PLOD2: variants seen among roughly 807,000 people sequenced by gnomAD.
The protein encoded by PLOD2 is lysine hydroxylase 2.
In PLOD2, 65 loss-of-function variants were observed where a neutral mutation model predicts 101.0. That is an observed-to-expected ratio of 0.64 (90% CI 0.53 to 0.79). The LOEUF is 0.79. Ranked by LOEUF, PLOD2 falls within the 30% of genes least tolerant of loss-of-function variation. The pLI is 0.00. For synonymous variants in PLOD2, 314 were observed against 302.9 expected (o/e 1.04, Z -0.38); for missense variants, 909 against 914.6 (o/e 0.99, Z 0.08).
At chr3:146,099,163 A>G (rs551067607) in intron 7 of PLOD2, among the ~76,000 whole-genome samples, 2 of 152,320 alleles carry the variant, frequency 1.3e-5, no homozygotes, top group East Asian at 3.9e-4. Flanking sequence ...AGAAACAGTG[A>G]TAGTGCAAAC....
intron 1 of PLOD2, among the ~76,000 whole-genome samples, chr3:146,146,640 G>C (rs2031795128): frequency 6.6e-6 from 1 of 152,182 alleles, no homozygotes; most frequent in Non-Finnish European, 1.5e-5. Flanking sequence ...GGAATCAACA[G>C]AGACAGCTTC....
chr3:146,088,654 G>A lies in PLOD2; in HGVS notation c.937C>T (p.Arg313Trp), dbSNP rs757386815. The A allele has an allele frequency of 8.7e-6, 14 of 1,605,478 alleles. No homozygotes were observed. Among genetic ancestry groups the A allele is most frequent in the East Asian group, 4.5e-5 (2 of 44,732 alleles). Residue 313 changes from arginine to tryptophan, a missense_variant, in exon 9 of 20, where the codon CGG (arginine) becomes TGG (tryptophan). Transcript: ENST00000282903. Reference sequence around the variant, plus strand: ...AGTGTCAACAATATGTCCAGAAACCGAGGTAGAAAAGGGGTTGGTTGCTCA... The same window carrying A: ...AGTGTCAACAATATGTCCAGAAACCAAGGTAGAAAAGGGGTTGGTTGCTCA... ...FIEQPTPFLP[R>W]FLDILLTLDY...
chr3:146,125,361 A>T (rs1452544383), intron 1 of PLOD2, among the ~76,000 whole-genome samples: 1 of 150,868 alleles, frequency 6.6e-6, no homozygotes, highest in East Asian at 1.9e-4. Flanking sequence ...CAATATACAA[A>T]GAAATACTAA....
chr3:146,090,954 C>T (rs929786196), intron 8 of PLOD2, among the ~76,000 whole-genome samples: 1 of 151,798 alleles, frequency 6.6e-6, no homozygotes, highest in Non-Finnish European at 1.5e-5. Flanking sequence ...ATGCTTCATA[C>T]ATATAATCTT....
chr3:146,128,734 T>C (rs553264795), intron 1 of PLOD2, among the ~76,000 whole-genome samples: 1 of 151,594 alleles, frequency 6.6e-6, no homozygotes, highest in South Asian at 2.1e-4. Flanking sequence ...CAAATAGCTG[T>C]TGATATCTGA....
intron 7 of PLOD2, among the ~76,000 whole-genome samples, chr3:146,095,395 C>T (rs1226054147): frequency 1.1e-4 from 17 of 150,432 alleles, no homozygotes; most frequent in Non-Finnish European, 2.1e-4. Context: ...AAAAAGTGGT[C>T]GAAGGATATG....
At chr3:146,141,670 G>A (rs891933635) in intron 1 of PLOD2, among the ~76,000 whole-genome samples, 1 of 152,040 alleles carries the variant, frequency 6.6e-6, no homozygotes, top group Non-Finnish European at 1.5e-5. Context: ...CCAAATCCTA[G>A]TTGATACACA....
intron 1 of PLOD2, among the ~76,000 whole-genome samples, chr3:146,147,389 G>C (rs2031829792): frequency 6.6e-6 from 1 of 152,154 alleles, no homozygotes; most frequent in Admixed American, 6.5e-5. Context: ...GTGCAAATTG[G>C]GAAATGATAA....
chr3:146,117,591 A>C (rs1223118151), intron 3 of PLOD2, among the ~76,000 whole-genome samples: 3 of 152,094 alleles, frequency 2.0e-5, no homozygotes, highest in Non-Finnish European at 2.9e-5. Context: ...CAGGATAGTC[A>C]TGGTAGGTAA....
At chr3:146,147,231 A>T (rs1241424028) in intron 1 of PLOD2, among the ~76,000 whole-genome samples, 1 of 152,214 alleles carries the variant, frequency 6.6e-6, no homozygotes, top group East Asian at 1.9e-4. Context: ...CTAGAATATA[A>T]GACTTAATAT....
intron 5 of PLOD2, among the ~76,000 whole-genome samples, chr3:146,105,428 C>T (rs1937519737): frequency 6.6e-6 from 1 of 152,132 alleles, no homozygotes; most frequent in African/African-American, 2.4e-5. Context: ...TCCTTACAGG[C>T]TCTATCCACT....
intron 1 of PLOD2, among the ~76,000 whole-genome samples, chr3:146,132,633 T>G (rs1174447291): frequency 6.6e-6 from 1 of 152,216 alleles, no homozygotes; most frequent in Non-Finnish European, 1.5e-5. Flanking sequence ...GATACTCATT[T>G]TTTCCAGTGA....
At chr3:146,119,074 G>A (rs1938058448) in intron 3 of PLOD2, among the ~76,000 whole-genome samples, 1 of 152,120 alleles carries the variant, frequency 6.6e-6, no homozygotes, top group Non-Finnish European at 1.5e-5. Context: ...CTGGAGGTGG[G>A]GTTGGGTGGG....
At chr3:146,088,557 C>CA in intron 9 of PLOD2, 29 bp downstream of exon 9, 1 of 1,438,008 alleles carries the variant, frequency 7.0e-7, no homozygotes, top group South Asian at 1.2e-5. Flanking sequence ...ATAGTTTTGA[C>CA]ATAAAATATT....
intron 8 of PLOD2, among the ~76,000 whole-genome samples, chr3:146,089,247 T>C (rs997706320): frequency 3.3e-5 from 5 of 151,452 alleles, no homozygotes; most frequent in Admixed American, 3.3e-4. Flanking sequence ...TGTTAATATA[T>C]CTTATCTTAA....
chr3:146,124,019 A>C, intron 2 of PLOD2, 119 bp downstream of exon 2: 1 of 683,174 alleles, frequency 1.5e-6, no homozygotes. Context: ...ATGAACTAAC[A>C]GTAATTATGT....
chr3:146,077,155 C>T (rs2108002439), intron 14 of PLOD2: 1 of 1,102,188 alleles, frequency 9.1e-7, no homozygotes, highest in East Asian at 6.5e-5. Context: ...TTGTCCCTTT[C>T]TCATTGATCC....
intron 3 of PLOD2, among the ~76,000 whole-genome samples, chr3:146,120,637 A>G (rs13063887): frequency 0.51 from 77,120 of 152,026 alleles, 19,680 homozygotes; most frequent in Middle Eastern, 0.56. Flanking sequence ...ATTAAGCTAA[A>G]GAGCTTCTGC....
chr3:146,118,294 G>C (rs1938011136), intron 3 of PLOD2, among the ~76,000 whole-genome samples: 2 of 151,982 alleles, frequency 1.3e-5, no homozygotes, highest in South Asian at 4.1e-4. Context: ...TTGCAAAATA[G>C]GTAACCACAA....
Sources: allele counts gnomAD v4.1 joint callset (sites outside exome capture counted in the v4.1 genomes callset), GRCh38; gene constraint gnomAD v4.1.1; transcripts MANE v1.5; gene names NCBI Gene and HGNC (gene_info 2026-07-23, HGNC 2026-07-21).